The following MAF variants were observed in gnomAD, a reference collection of about 807,000 sequenced individuals.
The protein encoded by MAF is MAF bZIP transcription factor, also known as transcription factor Maf.
MAF carries 10 observed loss-of-function variants against 22.0 expected under a neutral mutation model. The observed-to-expected ratio is 0.45, with a 90% CI of 0.28 to 0.77. The LOEUF (loss-of-function observed/expected upper bound fraction) is 0.77. Among genes scored for constraint, MAF ranks in the 30% least tolerant of loss-of-function variants. The probability of loss-of-function intolerance (pLI) is 0.12; values close to 1 mark genes in which losing one functional copy is unlikely to be tolerated. For missense variants in MAF, 544 were observed against 548.4 expected (o/e 0.99, Z 0.08); for synonymous variants, 337 against 255.8 (o/e 1.32, Z -3.03).
At chr16:79,598,594 G>T (rs1913731907) in intron 1 of MAF, 191 bp downstream of exon 1, 1 of 1,485,284 alleles carries the variant, frequency 6.7e-7, no homozygotes. Context: ...GTGTGTGTGT[G>T]TGTGTGTGTG....
At chr16:79,494,247 G>C in the MAF span, among the ~76,000 whole-genome samples, 2 of 152,184 alleles carry the variant, frequency 1.3e-5, no homozygotes, top group African/African-American at 4.8e-5. Flanking sequence ...GAATTAGCAA[G>C]CTATGTTTCT....
At chr16:79,469,717 C>T in the MAF span, among the ~76,000 whole-genome samples, 1 of 152,140 alleles carries the variant, frequency 6.6e-6, no homozygotes, top group African/African-American at 2.4e-5. Flanking sequence ...CTGCCTCAGC[C>T]TCCTGAGTAG....
the MAF span, among the ~76,000 whole-genome samples, chr16:79,346,093 A>G: frequency 5.9e-5 from 9 of 151,998 alleles, no homozygotes; most frequent in East Asian, 1.7e-3. Context: ...TTTGTTACAT[A>G]TGTATACATG....
intron 1 of MAF, chr16:79,596,446 G>C (rs1354834645): frequency 1.5e-5 from 16 of 1,053,572 alleles, no homozygotes; most frequent in Non-Finnish European, 1.8e-5. Context: ...GTTGGGCCCA[G>C]TTAAACTGTA....
the MAF span, among the ~76,000 whole-genome samples, chr16:79,522,346 T>G: frequency 6.6e-6 from 1 of 152,138 alleles, no homozygotes; most frequent in Non-Finnish European, 1.5e-5. Context: ...ATGACACAGA[T>G]GAGAAACCAG....
the MAF span, among the ~76,000 whole-genome samples, chr16:79,526,271 T>C: frequency 2.6e-5 from 4 of 152,168 alleles, no homozygotes; most frequent in Non-Finnish European, 5.9e-5. Flanking sequence ...CCACCTCAGA[T>C]TATCAGGCAT....
the MAF span, among the ~76,000 whole-genome samples, chr16:79,409,041 G>A: frequency 1.4e-5 from 2 of 144,282 alleles, no homozygotes; most frequent in African/African-American, 5.0e-5. Flanking sequence ...GGTGGGTGGG[G>A]GAGTCACCTA....
the MAF span, among the ~76,000 whole-genome samples, chr16:79,487,025 G>A: frequency 6.6e-6 from 1 of 152,084 alleles, no homozygotes; most frequent in Non-Finnish European, 1.5e-5. Context: ...GTCGAGGTGA[G>A]AGAGGTTGGG....
At chr16:79,415,262 A>T in the MAF span, among the ~76,000 whole-genome samples, 1 of 144,662 alleles carries the variant, frequency 6.9e-6, no homozygotes, top group Admixed American at 6.8e-5. Context: ...ACAGAAGGAA[A>T]GAACAAGGAA....
At chr16:79,489,842 T>C in the MAF span, among the ~76,000 whole-genome samples, 305 of 152,202 alleles carry the variant, frequency 2.0e-3, 3 homozygotes, top group African/African-American at 7.0e-3. Flanking sequence ...CAGCTTAGCT[T>C]TTCTAACGGT....
the MAF span, chr16:79,204,647 C>G: frequency 3.9e-5 from 6 of 152,210 alleles, no homozygotes; most frequent in Non-Finnish European, 7.3e-5. Context: ...CTTGGAAACA[C>G]AGGCCCTGAG....
At chr16:79,264,966 C>T in the MAF span, among the ~76,000 whole-genome samples, 1 of 152,150 alleles carries the variant, frequency 6.6e-6, no homozygotes, top group African/African-American at 2.4e-5. Context: ...GCTGTGGGAA[C>T]CAGAACTCGC....
the MAF span, among the ~76,000 whole-genome samples, chr16:79,370,450 G>T: frequency 2.0e-5 from 3 of 152,190 alleles, no homozygotes; most frequent in Non-Finnish European, 4.4e-5. Flanking sequence ...CCTTCCCACA[G>T]TTAAGCTTAC....
chr16:79,499,946 CAT>C, the MAF span, among the ~76,000 whole-genome samples: 2 of 152,104 alleles, frequency 1.3e-5, no homozygotes, highest in Non-Finnish European at 2.9e-5. Flanking sequence ...TAAATGCAGT[CAT>C]ATCTATTATT....
At chr16:79,526,273 A>T in the MAF span, among the ~76,000 whole-genome samples, 1 of 152,158 alleles carries the variant, frequency 6.6e-6, no homozygotes, top group South Asian at 2.1e-4. Flanking sequence ...ACCTCAGATT[A>T]TCAGGCATTA....
the MAF span, among the ~76,000 whole-genome samples, chr16:79,402,711 C>T: frequency 6.6e-6 from 1 of 152,210 alleles, no homozygotes. Context: ...TTTCTGGAGC[C>T]CCCATGACTG....
the MAF span, among the ~76,000 whole-genome samples, chr16:79,307,006 G>A: frequency 1.3e-5 from 2 of 152,300 alleles, no homozygotes; most frequent in East Asian, 1.9e-4. Flanking sequence ...TGTTATCAGT[G>A]TTTCCCAACT....
the MAF span, among the ~76,000 whole-genome samples, chr16:79,228,260 G>A: frequency 2.6e-5 from 4 of 151,990 alleles, no homozygotes; most frequent in Admixed American, 2.6e-4. Context: ...ACTATTTGAA[G>A]GGAAAGAATG....
At chr16:79,382,769 T>C in the MAF span, among the ~76,000 whole-genome samples, 1 of 152,166 alleles carries the variant, frequency 6.6e-6, no homozygotes, top group African/African-American at 2.4e-5. Flanking sequence ...AAAATGTGCA[T>C]TTATTCATAA....
Sources: allele counts gnomAD v4.1 joint callset (sites outside exome capture counted in the v4.1 genomes callset), GRCh38; gene constraint gnomAD v4.1.1; transcripts MANE v1.5; gene names NCBI Gene and HGNC (gene_info 2026-07-23, HGNC 2026-07-21).